The following SLC67A2 variants were observed in gnomAD, a reference collection of about 807,000 sequenced individuals.
SLC67A2 encodes the protein solute carrier family 67 member 2.
the SLC67A2 span, among the ~76,000 whole-genome samples, chr2:102,736,144 G>T: frequency 1.3e-5 from 2 of 152,138 alleles, no homozygotes; most frequent in Non-Finnish European, 2.9e-5. Context: ...ACTCTGATCT[G>T]CATTTTTTAA....
At chr2:102,722,448 T>C in the SLC67A2 span, among the ~76,000 whole-genome samples, 2 of 152,162 alleles carry the variant, frequency 1.3e-5, no homozygotes, top group African/African-American at 4.8e-5. Context: ...CAACTGGGGG[T>C]CTGTAGCAGG....
chr2:102,719,225 G>A, the SLC67A2 span: 1 of 1,602,774 alleles, frequency 6.2e-7, no homozygotes. Flanking sequence ...AATGGCATGA[G>A]ACCGGTTAAA....
chr2:102,728,454 T>C, the SLC67A2 span, among the ~76,000 whole-genome samples: 1 of 152,194 alleles, frequency 6.6e-6, no homozygotes. Flanking sequence ...TATTGATATG[T>C]TTATCTTTTT....
At chr2:102,723,609 G>T in the SLC67A2 span, 2 of 1,298,800 alleles carry the variant, frequency 1.5e-6, no homozygotes, top group African/African-American at 1.5e-5. Context: ...TGTCTATTCT[G>T]ATAAAAACGA....
the SLC67A2 span, chr2:102,716,884 C>A: frequency 6.6e-6 from 1 of 152,254 alleles, no homozygotes; most frequent in Admixed American, 6.5e-5. Flanking sequence ...CCCTGCAAGG[C>A]TATGTTCACC....
chr2:102,728,840 C>T, the SLC67A2 span, among the ~76,000 whole-genome samples: 7 of 152,186 alleles, frequency 4.6e-5, no homozygotes, highest in African/African-American at 1.7e-4. Context: ...ATTTTCCCCA[C>T]TCAACACTTT....
At chr2:102,729,334 G>C in the SLC67A2 span, among the ~76,000 whole-genome samples, 2 of 152,144 alleles carry the variant, frequency 1.3e-5, no homozygotes, top group Non-Finnish European at 2.9e-5. Context: ...ATAAGTAAGA[G>C]TATAAAAAAA....
the SLC67A2 span, among the ~76,000 whole-genome samples, chr2:102,732,807 G>C: frequency 6.6e-6 from 1 of 152,188 alleles, no homozygotes; most frequent in Non-Finnish European, 1.5e-5. Context: ...TAGTTTATAA[G>C]CTTATAAAAT....
the SLC67A2 span, chr2:102,715,985 G>T: frequency 6.6e-6 from 1 of 152,132 alleles, no homozygotes; most frequent in African/African-American, 2.4e-5. Context: ...GTCTGAGCTG[G>T]AGCTTCAGTG....
chr2:102,736,820 G>A, the SLC67A2 span: 26 of 1,594,150 alleles, frequency 1.6e-5, no homozygotes, highest in African/African-American at 1.5e-4. Flanking sequence ...TACCCGCGCC[G>A]GCCGGGGGTC....
At chr2:102,723,761 T>A in the SLC67A2 span, 1 of 1,614,142 alleles carries the variant, frequency 6.2e-7, no homozygotes, top group Non-Finnish European at 8.5e-7. Context: ...CATCCTCTAA[T>A]TCAGTGAGAT....
At chr2:102,718,393 T>C in the SLC67A2 span, 3 of 1,609,568 alleles carry the variant, frequency 1.9e-6, no homozygotes, top group Non-Finnish European at 1.7e-6. Context: ...ATCTCAAATT[T>C]TGTTGCTTTA....
chr2:102,720,409 A>T, the SLC67A2 span, among the ~76,000 whole-genome samples: 4 of 152,332 alleles, frequency 2.6e-5, no homozygotes, highest in Admixed American at 2.6e-4. Flanking sequence ...TAAAATAATA[A>T]AAATGATGAT....
chr2:102,719,957 C>T, the SLC67A2 span, among the ~76,000 whole-genome samples: 3,696 of 152,268 alleles, frequency 0.024, 152 homozygotes, highest in African/African-American at 0.085. Context: ...ACATATACAA[C>T]CTTACGCAGT....
At chr2:102,731,904 C>T in the SLC67A2 span, 23 of 316,302 alleles carry the variant, frequency 7.3e-5, no homozygotes, top group African/African-American at 5.0e-4. Context: ...AAGCTTGCAA[C>T]TAATTGGCTA....
chr2:102,735,836 A>G, the SLC67A2 span, among the ~76,000 whole-genome samples: 1 of 135,424 alleles, frequency 7.4e-6, no homozygotes, highest in Non-Finnish European at 1.6e-5. Context: ...AAACCAGGAC[A>G]CGCGCGCGCG....
chr2:102,729,953 A>G, the SLC67A2 span, among the ~76,000 whole-genome samples: 1 of 152,224 alleles, frequency 6.6e-6, no homozygotes, highest in Admixed American at 6.5e-5. Context: ...CTTGGGAAAC[A>G]TAAGTACACT....
At chr2:102,719,151 G>C in the SLC67A2 span, 11 of 1,614,144 alleles carry the variant, frequency 6.8e-6, no homozygotes, top group Non-Finnish European at 9.3e-6. Context: ...CGCAATGGCA[G>C]GCCCTTCTCT....
At chr2:102,715,092 T>C in the SLC67A2 span, among the ~76,000 whole-genome samples, 3 of 152,162 alleles carry the variant, frequency 2.0e-5, no homozygotes, top group Non-Finnish European at 4.4e-5. Flanking sequence ...GTCCCTGTCC[T>C]CGCGACCAGC....
Sources: gnomAD v4.1 joint callset for allele counts (sites outside exome capture counted in the v4.1 genomes callset) on GRCh38, gnomAD v4.1.1 for gene constraint, MANE v1.5 for transcripts, NCBI Gene and HGNC (gene_info 2026-07-23, HGNC 2026-07-21) for gene names.